The following FNBP1 variants were observed in gnomAD, a reference collection of about 807,000 sequenced individuals.
FNBP1 encodes the protein formin binding protein 1.
FNBP1 carries 26 observed loss-of-function variants against 90.6 expected under a neutral mutation model. The ratio of observed to expected loss-of-function variants is 0.29; its 90% CI spans 0.21 to 0.40. FNBP1 has a LOEUF of 0.40. Among genes scored for constraint, FNBP1 ranks in the 10% least tolerant of loss-of-function variants. The pLI is 1.00. For missense variants in FNBP1, 635 were observed against 768.0 expected (o/e 0.83, Z 2.05); for synonymous variants, 260 against 265.2 (o/e 0.98, Z 0.19).
intron 6 of FNBP1, among the ~76,000 whole-genome samples, chr9:129,951,257 T>C (rs10732399): frequency 0.9 from 136,748 of 151,588 alleles, 61,812 homozygotes; most frequent in Non-Finnish European, 0.92. Context: ...ATGCCCGGTC[T>C]AATTTTTTGA....
At chr9:129,948,821 G>GT (rs2045748175) in intron 6 of FNBP1, among the ~76,000 whole-genome samples, 1 of 152,022 alleles carries the variant, frequency 6.6e-6, no homozygotes, top group East Asian at 1.9e-4. Context: ...GATTACAGGC[G>GT]TGAGTCACTA....
intron 8 of FNBP1, among the ~76,000 whole-genome samples, chr9:129,926,321 A>C (rs2041902482): frequency 6.6e-6 from 1 of 152,182 alleles, no homozygotes; most frequent in Non-Finnish European, 1.5e-5. Context: ...TTAACAGTAA[A>C]AGCCTATGCT....
rs1366931076 is a variant in FNBP1, at chr9:129,927,277, T to G, written c.707A>C (p.Glu236Ala). ...GATTGGGATCACCTGCCGATCAACC[T>G]CTGCATATGTCTTCATGGACTCTCC... ...RMGESMKTYA[E>A]VDRQVIPIIG... is the part of the protein sequence containing the mutation. Residue 236 changes from glutamate to alanine, a missense_variant, in exon 8 of 17, where the codon GAG becomes GCG. Physicochemically the swap from Glu to Ala is moderately radical, Grantham distance 107. Transcript: ENST00000446176. 1 of 1,613,498 alleles carries G rather than the reference T, an allele frequency of 6.2e-7. No individual in the cohort carries two copies. Among genetic ancestry groups the G allele is most frequent in the East Asian group, 2.2e-5 (1 of 44,880 alleles).
intron 12 of FNBP1, among the ~76,000 whole-genome samples, chr9:129,906,587 T>C (rs530204897): frequency 6.6e-6 from 1 of 152,230 alleles, no homozygotes; most frequent in Non-Finnish European, 1.5e-5. Context: ...TCCGCCATGA[T>C]TGTGAGGCCT....
chr9:129,912,212 C>T (rs939001959), intron 11 of FNBP1, among the ~76,000 whole-genome samples: 7 of 152,100 alleles, frequency 4.6e-5, no homozygotes, highest in African/African-American at 1.7e-4. Flanking sequence ...GTGTCTGCTG[C>T]TTGATATATA....
chr9:129,924,966 T>C lies in FNBP1; in HGVS notation c.981A>G (p.Lys327=). The C allele has an allele frequency of 1.9e-6, 3 of 1,612,050 alleles. No homozygotes were observed. Among genetic ancestry groups the C allele is most frequent in the South Asian group, 1.1e-5 (1 of 90,856 alleles). Residue 327 remains lysine, a synonymous_variant, in exon 9 of 17, where the codon AAA becomes AAG. Transcript: ENST00000446176. ...TCACGCCAACCATCAGTACCTTATT[T>C]TTTTTGATGAACGGCCATAACTTTC... The part of the protein sequence containing the change: ...SKGKLWPFIK[K]NKLMSLLTSP...
At chr9:130,032,057 G>A (rs960209160) in intron 1 of FNBP1, among the ~76,000 whole-genome samples, 2 of 152,034 alleles carry the variant, frequency 1.3e-5, no homozygotes, top group South Asian at 2.1e-4. Context: ...AAAAATGGCC[G>A]TAACAAGAAC....
intron 2 of FNBP1, among the ~76,000 whole-genome samples, chr9:129,989,829 G>T (rs1266165667): frequency 1.3e-5 from 2 of 152,188 alleles, no homozygotes; most frequent in Non-Finnish European, 2.9e-5. Flanking sequence ...CTTGAACCTA[G>T]AAGTTCAAGA....
intron 12 of FNBP1, 81 bp from the exon 13 acceptor site, chr9:129,903,082 G>A: frequency 7.3e-7 from 1 of 1,369,472 alleles, no homozygotes; most frequent in Non-Finnish European, 1.0e-6. Flanking sequence ...ACCCAGGCTG[G>A]AGTGCAATGG....
At chr9:130,037,043 T>C (rs2059382266) in intron 1 of FNBP1, among the ~76,000 whole-genome samples, 1 of 70,950 alleles carries the variant, frequency 1.4e-5, no homozygotes, top group Admixed American at 1.7e-4. Flanking sequence ...AGACTCCATC[T>C]CAAAAAAAAA....
intron 16 of FNBP1, among the ~76,000 whole-genome samples, chr9:129,893,637 A>AAAAAAAACAAAAAG (rs56397008): frequency 1.6e-5 from 1 of 62,224 alleles, no homozygotes. Context: ...AAAAAAAAAA[A>AAAAAAAACAAAAAG]GCCAGGCACG....
the FNBP1 span, among the ~76,000 whole-genome samples, chr9:130,048,491 C>CT: frequency 0.012 from 1,298 of 105,066 alleles, 99 homozygotes; most frequent in African/African-American, 0.042. Context: ...CCTCAGTTTC[C>CT]TTTTTTTTTT....
chr9:129,900,612 A>C lies in FNBP1; in HGVS notation c.1429-65T>G. 7.3e-7 allele frequency: 1 copy of C among 1,372,464 alleles called. No homozygotes were observed. Among genetic ancestry groups the C allele is most frequent in the Non-Finnish European group, 9.4e-7 (1 of 1,061,968 alleles). 85.0% of individuals were successfully genotyped at this position (1,372,464 alleles called of 1,614,324 possible). On this transcript the variant is annotated intron_variant, in intron 13 of 16. Transcript: ENST00000446176. The surrounding 1 kb of genome is among the most constrained non-coding windows in gnomAD (Gnocchi z 4.1). The stretch of plus-strand genomic sequence containing the variant: ...TCTGAGGGTCAGCCCAGAGTGTCCT[A>C]AGGTCCCAAAGGCCATCTGAGGGCC...
Position 129,892,366 on chromosome 9 carries a change from G to GACACACAC in FNBP1, c.1847-1828_1847-1821dup, listed in dbSNP as rs3138855. Among the ~76,000 whole-genome samples the GACACACAC allele has an allele frequency of 7.0e-3, 723 of 103,450 alleles. 17 individuals carry two copies. Among genetic ancestry groups the GACACACAC allele is most frequent in the African/African-American group, 0.028 (659 of 23,760 alleles). The allele number at this position is 103,450 out of a possible 152,430, so 67.9% of individuals were successfully genotyped here. On this transcript the variant is annotated intron_variant, in intron 16 of 16. Coordinates refer to ENST00000446176, the MANE Select transcript of FNBP1 (RefSeq NM_015033.3). ...GCAATTATTAAATAAGCACATCGTA[G>GACACACAC]ACACACACACACACACACACACACA...
In FNBP1 at chr9:129,908,949, T is replaced by C. The variant is rs2038696110; in HGVS notation, c.1236A>G (p.Lys412=). ...FSNLPPEQRR[K]KLQQKVDELN... is the part of the protein sequence containing the mutation. The stretch of plus-strand genomic sequence containing the variant: ...ACTCATCGACTTTCTGCTGCAGCTT[T>C]TTCCTTCTTTGTTCAGGTGGGAGGT... Residue 412 remains lysine (K), a synonymous_variant, in exon 12 of 17, where the codon AAA becomes AAG. Transcript: ENST00000446176. 2.5e-6 allele frequency: 4 copies of C among 1,613,758 alleles called. No homozygotes were observed. The African/African-American group carries it at 5.3e-5, about 22-fold the overall frequency.
At chr9:129,994,073 C>T (rs1440891245) in intron 2 of FNBP1, among the ~76,000 whole-genome samples, 1 of 152,144 alleles carries the variant, frequency 6.6e-6, no homozygotes, top group African/African-American at 2.4e-5. Flanking sequence ...TAGATGCCTA[C>T]GTAGATCCTA....
rs535306895 is a variant in FNBP1 at position 129,917,771 on chromosome 9, AG to A, written c.1171-1792del. Reference sequence around the variant, plus strand: ...AAGAACCAGAAAGACAAACTTTTGCAGGGGGAAAATGGTACATACAGTCACA... The same window carrying A: ...AAGAACCAGAAAGACAAACTTTTGCAGGGGAAAATGGTACATACAGTCACA... On this transcript the variant is annotated intron_variant, in intron 10 of 16. Coordinates refer to ENST00000446176, the MANE Select transcript of FNBP1 (RefSeq NM_015033.3). Among the ~76,000 whole-genome samples the A allele has an allele frequency of 1.1e-3, 174 of 152,338 alleles. 1 individual carries two copies. Among genetic ancestry groups the A allele is most frequent in the Non-Finnish European group, 1.9e-3 (129 of 68,026 alleles).
chr9:129,943,638 T>C (rs2044693286), intron 6 of FNBP1, among the ~76,000 whole-genome samples: 1 of 151,900 alleles, frequency 6.6e-6, no homozygotes, highest in African/African-American at 2.4e-5. Context: ...CTGCCCACCT[T>C]GGCAGCCTAA....
At chr9:130,039,456 C>T (rs1245014017) in intron 1 of FNBP1, among the ~76,000 whole-genome samples, 1 of 152,082 alleles carries the variant, frequency 6.6e-6, no homozygotes, top group Admixed American at 6.6e-5. Context: ...GGGCAGATCA[C>T]TTGAGGTCAG....
Sources: allele counts gnomAD v4.1 joint callset (sites outside exome capture counted in the v4.1 genomes callset), GRCh38; gene constraint gnomAD v4.1.1; non-coding constraint Gnocchi (gnomAD v3.1); transcripts MANE v1.5; gene names NCBI Gene and HGNC (gene_info 2026-07-23, HGNC 2026-07-21).